Variants in DLG2 observed in about 807,000 individuals in gnomAD.
The protein encoded by DLG2 is discs large MAGUK scaffold protein 2, also known as disks large homolog 2.
DLG2 carries 45 observed loss-of-function variants against 132.5 expected under a neutral mutation model. The observed-to-expected ratio is 0.34, with a 90% CI of 0.27 to 0.44. The LOEUF (loss-of-function observed/expected upper bound fraction) is 0.44. Among genes scored for constraint, DLG2 ranks in the 20% least tolerant of loss-of-function variants. The probability of loss-of-function intolerance (pLI) is 1.00; values close to 1 mark genes in which losing one functional copy is unlikely to be tolerated. For missense variants in DLG2, 1,045 were observed against 1,196.9 expected (o/e 0.87, Z 1.87); for synonymous variants, 424 against 419.6 (o/e 1.01, Z -0.13).
intron 10 of DLG2, among the ~76,000 whole-genome samples, chr11:84,093,198 A>G (rs2097121002): frequency 6.6e-6 from 1 of 152,184 alleles, no homozygotes; most frequent in South Asian, 2.1e-4. Context: ...GGCTGTATCA[A>G]GATGTCAGCT....
intron 6 of DLG2, among the ~76,000 whole-genome samples, chr11:85,050,999 C>T (rs1009693654): frequency 6.6e-6 from 1 of 152,062 alleles, no homozygotes; most frequent in Non-Finnish European, 1.5e-5. Flanking sequence ...AATGATTAAG[C>T]GAGACAGCCA....
chr11:84,621,680 G>T (rs540099717), intron 6 of DLG2, among the ~76,000 whole-genome samples: 1 of 152,250 alleles, frequency 6.6e-6, no homozygotes, highest in East Asian at 1.9e-4. Flanking sequence ...CTCACTAATT[G>T]GTTGGTCAGT....
At position 85,480,849 on chromosome 11, in the gene DLG2, T is replaced by A. The variant is rs145113902; in HGVS notation, c.40+117808A>T. Among the ~76,000 whole-genome samples, 12 of 152,320 alleles carry A rather than the reference T, an allele frequency of 7.9e-5. No individual in the cohort carries two copies. In the East Asian group the frequency reaches 2.3e-3, roughly 29 times the overall value. Reference sequence around the variant, plus strand: ...AAAACTAAATGTCATGTTTCAATAGTGTTTAAACTATCCTGCACACATGCA... The same window carrying A: ...AAAACTAAATGTCATGTTTCAATAGAGTTTAAACTATCCTGCACACATGCA... On this transcript the variant is annotated intron_variant, in intron 3 of 27. Transcript: ENST00000376104.
chr11:84,127,401 T>C (rs566171468), intron 9 of DLG2, among the ~76,000 whole-genome samples: 89 of 152,322 alleles, frequency 5.8e-4, no homozygotes, highest in Non-Finnish European at 1.1e-3. Flanking sequence ...TGTAATCTTT[T>C]AGTGCTCTAA....
At chr11:83,704,170 G>A (rs2083457266) in intron 18 of DLG2, among the ~76,000 whole-genome samples, 1 of 152,064 alleles carries the variant, frequency 6.6e-6, no homozygotes, top group South Asian at 2.1e-4. Flanking sequence ...AAGCTGGCAG[G>A]CTGTGGAAGT....
At chr11:83,808,084 C>A (rs117350163) in intron 17 of DLG2, among the ~76,000 whole-genome samples, 64 of 152,226 alleles carry the variant, frequency 4.2e-4, no homozygotes, top group African/African-American at 1.5e-3. Context: ...AGCCTCGTGC[C>A]GGTCATCACA....
At chr11:84,766,240 A>G (rs1356092782) in intron 6 of DLG2, among the ~76,000 whole-genome samples, 1 of 151,998 alleles carries the variant, frequency 6.6e-6, no homozygotes, top group Admixed American at 6.6e-5. Flanking sequence ...TTTCTATGAT[A>G]TAGGAACTGA....
chr11:84,129,838 A>G (rs1478910460), intron 9 of DLG2, among the ~76,000 whole-genome samples: 1 of 151,794 alleles, frequency 6.6e-6, no homozygotes, highest in Non-Finnish European at 1.5e-5. Context: ...AAGTGAGTGA[A>G]CTATGAATTA....
intron 7 of DLG2, among the ~76,000 whole-genome samples, chr11:84,379,502 A>T (rs1397891406): frequency 6.6e-6 from 1 of 152,140 alleles, no homozygotes; most frequent in Non-Finnish European, 1.5e-5. Context: ...ACAGAGGATA[A>T]GAAGATGAGA....
At chr11:83,573,065 T>A (rs992988901) in intron 19 of DLG2, among the ~76,000 whole-genome samples, 1 of 152,222 alleles carries the variant, frequency 6.6e-6, no homozygotes, top group Non-Finnish European at 1.5e-5. Flanking sequence ...GCTTTTTTAC[T>A]CCTTTTTTCC....
At chr11:85,466,447 A>G (rs540936438) in intron 3 of DLG2, among the ~76,000 whole-genome samples, 5 of 152,304 alleles carry the variant, frequency 3.3e-5, no homozygotes, top group Admixed American at 6.5e-5. Flanking sequence ...TTTTAGGTCT[A>G]ATATGTAAGT....
chr11:84,527,988 T>C (rs1199280201), intron 7 of DLG2, among the ~76,000 whole-genome samples: 1 of 150,608 alleles, frequency 6.6e-6, no homozygotes, highest in African/African-American at 2.4e-5. Flanking sequence ...CCCCATAGTT[T>C]TAAGTTTGAG....
intron 17 of DLG2, among the ~76,000 whole-genome samples, chr11:83,808,388 C>T (rs2046451563): frequency 6.6e-6 from 1 of 152,130 alleles, no homozygotes. Flanking sequence ...AGGCTGGCTG[C>T]AGGTTCTGAT....
intron 6 of DLG2, among the ~76,000 whole-genome samples, chr11:84,580,786 C>T (rs1055128885): frequency 6.6e-6 from 1 of 152,220 alleles, no homozygotes; most frequent in African/African-American, 2.4e-5. Context: ...AAATCATTCA[C>T]TTCAATTCAC....
At chr11:84,197,487 T>C (rs1468654083) in intron 8 of DLG2, among the ~76,000 whole-genome samples, 5 of 152,190 alleles carry the variant, frequency 3.3e-5, no homozygotes, top group African/African-American at 9.7e-5. Flanking sequence ...ATGGAAAGAA[T>C]GACATCATGA....
At chr11:85,558,470 A>G (rs114801042) in intron 3 of DLG2, among the ~76,000 whole-genome samples, 2,220 of 151,970 alleles carry the variant, frequency 0.015, 64 homozygotes, top group African/African-American at 0.05. Context: ...AAATTATTAT[A>G]CCAAAAAGAT....
At chr11:83,885,126 G>C (rs1368534397) in intron 15 of DLG2, among the ~76,000 whole-genome samples, 1 of 152,166 alleles carries the variant, frequency 6.6e-6, no homozygotes, top group Non-Finnish European at 1.5e-5. Context: ...AGAGAAGAAG[G>C]CTTCAGAGCA....
intron 14 of DLG2, among the ~76,000 whole-genome samples, chr11:83,936,046 C>T (rs2081355243): frequency 6.6e-6 from 1 of 152,200 alleles, no homozygotes; most frequent in African/African-American, 2.4e-5. Context: ...CACTCTTAGA[C>T]ACTCGAGCTC....
chr11:84,334,016 G>T (rs1391975389), intron 7 of DLG2, among the ~76,000 whole-genome samples: 1 of 152,154 alleles, frequency 6.6e-6, no homozygotes, highest in Non-Finnish European at 1.5e-5. Flanking sequence ...CTGTAGAGGG[G>T]AGAGACACTT....
Sources: allele counts gnomAD v4.1 joint callset (sites outside exome capture counted in the v4.1 genomes callset), GRCh38; gene constraint gnomAD v4.1.1; transcripts MANE v1.5; gene names NCBI Gene and HGNC (gene_info 2026-07-23, HGNC 2026-07-21).